Variants in NTN1 observed in about 807,000 individuals in gnomAD.
NTN1 encodes netrin-1.
Under a neutral mutation model 54.2 loss-of-function variants are expected in NTN1, and 11 were observed. The ratio of observed to expected loss-of-function variants is 0.20; its 90% CI spans 0.13 to 0.34. NTN1 has a LOEUF of 0.34. Ranked by LOEUF, NTN1 falls within the 10% of genes least tolerant of loss-of-function variation. The pLI, the probability that NTN1 is intolerant of heterozygous loss-of-function variation, is 1.00. For missense variants in NTN1, 740 were observed against 893.1 expected (o/e 0.83, Z 2.18); for synonymous variants, 371 against 382.0 (o/e 0.97, Z 0.33).
At chr17:9,204,799 C>A (rs1213007137) in intron 5 of NTN1, among the ~76,000 whole-genome samples, 1 of 152,212 alleles carries the variant, frequency 6.6e-6, no homozygotes, top group Non-Finnish European at 1.5e-5. Context: ...ATGAGGAATA[C>A]CTTACTGAGT....
intron 2 of NTN1, among the ~76,000 whole-genome samples, chr17:9,137,613 T>C (rs1351357293): frequency 5.9e-5 from 9 of 152,062 alleles, no homozygotes; most frequent in Admixed American, 5.9e-4. Context: ...GCCAACATGG[T>C]GAAACCCTGT....
chr17:9,200,126 C>T (rs1372643464), intron 5 of NTN1, among the ~76,000 whole-genome samples: 1 of 152,250 alleles, frequency 6.6e-6, no homozygotes, highest in Non-Finnish European at 1.5e-5. Flanking sequence ...TCATGACCTT[C>T]CCAGGGAGCC....
intron 2 of NTN1, among the ~76,000 whole-genome samples, chr17:9,036,035 T>A (rs988764643): frequency 6.6e-6 from 1 of 151,870 alleles, no homozygotes; most frequent in Non-Finnish European, 1.5e-5. Context: ...AAAGAAAAAA[T>A]TATTTGTAGA....
the NTN1 span, among the ~76,000 whole-genome samples, chr17:9,004,590 G>A: frequency 6.6e-6 from 1 of 152,220 alleles, no homozygotes; most frequent in East Asian, 1.9e-4. Flanking sequence ...CTGGTGCAGC[G>A]GGATCGTGCG....
chr17:9,054,647 C>G (rs1369182432), intron 2 of NTN1, among the ~76,000 whole-genome samples: 1 of 151,958 alleles, frequency 6.6e-6, no homozygotes, highest in Admixed American at 6.6e-5. Context: ...AGAAGACATG[C>G]TAAATATCTG....
chr17:9,098,163 G>C (rs922867585), intron 2 of NTN1, among the ~76,000 whole-genome samples: 5 of 152,158 alleles, frequency 3.3e-5, no homozygotes, highest in East Asian at 1.9e-4. Context: ...AAGTTTGCTG[G>C]ATAAATGATC....
intron 3 of NTN1, among the ~76,000 whole-genome samples, chr17:9,167,405 A>G (rs934181244): frequency 1.3e-5 from 2 of 152,118 alleles, no homozygotes; most frequent in African/African-American, 2.4e-5. Flanking sequence ...CATTTTCCCA[A>G]ACCATCTGTG....
At chr17:9,051,904 G>A (rs1191397160) in intron 2 of NTN1, among the ~76,000 whole-genome samples, 1 of 151,246 alleles carries the variant, frequency 6.6e-6, no homozygotes, top group African/African-American at 2.4e-5. Context: ...CTATGTTTTT[G>A]TATAGGCCCC....
At chr17:9,018,113 A>G (rs1390822626), upstream of NTN1, among the ~76,000 whole-genome samples, 1 of 152,146 alleles carries the variant, frequency 6.6e-6, no homozygotes, top group Non-Finnish European at 1.5e-5. Flanking sequence ...ACCGTATTAC[A>G]GGAGGTTCTA....
intron 2 of NTN1, among the ~76,000 whole-genome samples, chr17:9,035,168 G>C (rs915752423): frequency 1.2e-4 from 18 of 151,828 alleles, no homozygotes; most frequent in Admixed American, 5.2e-4. Context: ...GGATGGTCTC[G>C]ATCTCCTGAC....
At chr17:9,067,368 G>A (rs1175964579) in intron 2 of NTN1, among the ~76,000 whole-genome samples, 2 of 152,146 alleles carry the variant, frequency 1.3e-5, no homozygotes, top group Non-Finnish European at 1.5e-5. Context: ...TATGAAGCAG[G>A]GGTATGTGTT....
At chr17:9,230,520 C>T (rs1360301726) in intron 6 of NTN1, among the ~76,000 whole-genome samples, 2 of 150,756 alleles carry the variant, frequency 1.3e-5, no homozygotes, top group Admixed American at 6.6e-5. Flanking sequence ...AGTCTGAGGT[C>T]GTGGAATGCG....
chr17:9,114,983 T>G (rs2054677942), intron 2 of NTN1, among the ~76,000 whole-genome samples: 1 of 152,180 alleles, frequency 6.6e-6, no homozygotes, highest in African/African-American at 2.4e-5. Flanking sequence ...GAGGCTTCTG[T>G]GAGAGAAGAT....
intron 2 of NTN1, among the ~76,000 whole-genome samples, chr17:9,153,778 G>A (rs1354165763): frequency 1.3e-5 from 2 of 152,136 alleles, no homozygotes; most frequent in African/African-American, 4.8e-5. Flanking sequence ...TGTCCTTGTG[G>A]CATCTCGAAG....
intron 2 of NTN1, among the ~76,000 whole-genome samples, chr17:9,159,924 T>C (rs1451358414): frequency 6.6e-6 from 1 of 152,168 alleles, no homozygotes; most frequent in African/African-American, 2.4e-5. Flanking sequence ...CAAATATATA[T>C]GTTCAAAGGT....
chr17:9,216,728 C>T (rs1336101182), intron 5 of NTN1, among the ~76,000 whole-genome samples: 1 of 152,188 alleles, frequency 6.6e-6, no homozygotes. Context: ...TTTTCTGATT[C>T]TCTGCAATGA....
At chr17:9,207,009 A>T (rs540554749) in intron 5 of NTN1, among the ~76,000 whole-genome samples, 3 of 152,222 alleles carry the variant, frequency 2.0e-5, no homozygotes, top group Non-Finnish European at 4.4e-5. Context: ...CCTTTGGAGT[A>T]TGGGAGTGCC....
chr17:9,192,871 A>C (rs1012212893), intron 5 of NTN1, among the ~76,000 whole-genome samples: 4 of 152,224 alleles, frequency 2.6e-5, no homozygotes, highest in Non-Finnish European at 4.4e-5. Flanking sequence ...ACCTGAGGTC[A>C]GGAGTTCAAG....
chr17:9,210,451 CACA>C (rs777003855), intron 5 of NTN1, among the ~76,000 whole-genome samples: 1,284 of 106,270 alleles, frequency 0.012, 12 homozygotes, highest in African/African-American at 0.031. Context: ...CACCCACACA[CACA>C]CACACACACA....
Sources: allele counts gnomAD v4.1 joint callset (sites outside exome capture counted in the v4.1 genomes callset), GRCh38; gene constraint gnomAD v4.1.1; transcripts MANE v1.5; gene names NCBI Gene and HGNC (gene_info 2026-07-23, HGNC 2026-07-21).